The following KDM4C variants were observed in gnomAD, a reference collection of about 807,000 sequenced individuals.
KDM4C encodes lysine-specific demethylase 4C.
A neutral mutation model predicts 129.3 loss-of-function variants in KDM4C; 81 were observed. That is an observed-to-expected ratio of 0.63 (90% CI 0.52 to 0.75). The LOEUF (loss-of-function observed/expected upper bound fraction) is 0.75, where lower values mean the gene tolerates loss of function less well. Among genes scored for constraint, KDM4C ranks in the 30% least tolerant of loss-of-function variants. The probability of loss-of-function intolerance (pLI) is 0.00; values close to 1 mark genes in which losing one functional copy is unlikely to be tolerated. For missense variants in KDM4C, 1,457 were observed against 1,304.0 expected (o/e 1.12, Z -1.81); for synonymous variants, 573 against 456.1 (o/e 1.26, Z -3.26).
chr9:7,163,748 C>T (rs1245568831), intron 19 of KDM4C, among the ~76,000 whole-genome samples: 1 of 152,188 alleles, frequency 6.6e-6, no homozygotes, highest in East Asian at 1.9e-4. Context: ...ACATTGAGTA[C>T]ATCTCCACAG....
intron 1 of KDM4C, among the ~76,000 whole-genome samples, chr9:6,744,240 C>T (rs1427505034): frequency 6.6e-6 from 1 of 152,086 alleles, no homozygotes; most frequent in Non-Finnish European, 1.5e-5. Flanking sequence ...AAACTAGTAA[C>T]AGCTGCCGGG....
At chr9:6,809,887 C>G (rs1830823291) in intron 3 of KDM4C, among the ~76,000 whole-genome samples, 1 of 152,052 alleles carries the variant, frequency 6.6e-6, no homozygotes, top group Admixed American at 6.6e-5. Context: ...GTCTCAGGTA[C>G]TCAGGAGGCT....
intron 17 of KDM4C, among the ~76,000 whole-genome samples, chr9:7,085,733 G>C (rs1305827422): frequency 6.6e-6 from 1 of 152,154 alleles, no homozygotes; most frequent in Non-Finnish European, 1.5e-5. Context: ...GATAATCTGA[G>C]CATTTATAGA....
At chr9:6,884,736 A>T (rs1844996232) in intron 6 of KDM4C, among the ~76,000 whole-genome samples, 1 of 152,210 alleles carries the variant, frequency 6.6e-6, no homozygotes, top group African/African-American at 2.4e-5. Context: ...TACCCATAAA[A>T]ATGTCACTAA....
At chr9:6,829,601 C>T (rs1004338882) in intron 4 of KDM4C, among the ~76,000 whole-genome samples, 2 of 152,210 alleles carry the variant, frequency 1.3e-5, no homozygotes, top group Non-Finnish European at 2.9e-5. Context: ...ATGACTCCTA[C>T]TTAGTGGCAG....
At chr9:7,022,637 C>CTTTTTTTTTTTTT (rs375675040) in intron 15 of KDM4C, among the ~76,000 whole-genome samples, 76 of 133,938 alleles carry the variant, frequency 5.7e-4, no homozygotes, top group Non-Finnish European at 8.6e-4. Flanking sequence ...CCCTTTATTT[C>CTTTTTTTTTTTTT]TTTTTTTTTT....
intron 4 of KDM4C, among the ~76,000 whole-genome samples, chr9:6,838,421 G>A (rs529923819): frequency 3.0e-4 from 45 of 152,276 alleles, no homozygotes; most frequent in African/African-American, 9.6e-4. Context: ...TTTCTCCCAA[G>A]AGGATTGGAG....
intron 5 of KDM4C, among the ~76,000 whole-genome samples, chr9:6,852,647 C>T (rs1839068652): frequency 6.6e-6 from 1 of 152,118 alleles, no homozygotes; most frequent in Non-Finnish European, 1.5e-5. Context: ...AGTGGGTGGC[C>T]TCTCCTGTGC....
intron 8 of KDM4C, among the ~76,000 whole-genome samples, chr9:6,907,569 A>G (rs1246928279): frequency 6.6e-6 from 1 of 152,200 alleles, no homozygotes; most frequent in Non-Finnish European, 1.5e-5. Flanking sequence ...CTTTAGGGGA[A>G]GAGGGTAGTA....
intron 17 of KDM4C, among the ~76,000 whole-genome samples, chr9:7,071,008 A>G (rs1181592108): frequency 6.6e-6 from 1 of 152,180 alleles, no homozygotes; most frequent in Non-Finnish European, 1.5e-5. Context: ...AAAAAATTTC[A>G]TTGTATTTAT....
intron 20 of KDM4C, among the ~76,000 whole-genome samples, chr9:7,167,173 T>G (rs989284093): frequency 6.6e-5 from 10 of 152,178 alleles, no homozygotes; most frequent in Non-Finnish European, 1.5e-4. Flanking sequence ...GAATAATTTT[T>G]TAATAATTTG....
At chr9:6,816,377 T>A (rs2131163392) in intron 4 of KDM4C, among the ~76,000 whole-genome samples, 1 of 152,296 alleles carries the variant, frequency 6.6e-6, no homozygotes, top group African/African-American at 2.4e-5. Flanking sequence ...TAGAATTCCC[T>A]TACCTGCCCT....
chr9:6,909,538 G>C (rs1486537574), intron 8 of KDM4C, among the ~76,000 whole-genome samples: 13 of 152,110 alleles, frequency 8.5e-5, no homozygotes, highest in Non-Finnish European at 1.9e-4. Flanking sequence ...CTTTGCCACT[G>C]TCTGATGTTT....
At chr9:7,071,750 C>G (rs1833225564) in intron 17 of KDM4C, among the ~76,000 whole-genome samples, 2 of 151,922 alleles carry the variant, frequency 1.3e-5, no homozygotes, top group Admixed American at 1.3e-4. Context: ...AAATTTTGAC[C>G]CATTAAAACA....
At position 6,814,763 on chromosome 9, in the gene KDM4C, G is replaced by T; in HGVS notation, c.435+18G>T. On this transcript the variant is annotated intron_variant, in intron 4 of 21. Coordinates refer to ENST00000381309, the MANE Select transcript of KDM4C (RefSeq NM_015061.6). ...ATGATGAGGTACATTCATATTTACA[G>T]TGAGTTTTGTAAAGATCATTGGATG... 1 of 1,444,620 alleles carries T rather than the reference G, an allele frequency of 6.9e-7. No individual in the cohort carries two copies. Among genetic ancestry groups the T allele is most frequent in the Non-Finnish European group, 9.7e-7 (1 of 1,032,218 alleles). 89.5% of individuals were successfully genotyped at this position (1,444,620 alleles called of 1,614,324 possible). A position where few individuals can be genotyped will look rare whatever the true frequency, so the allele number is the denominator to read the frequency against.
intron 8 of KDM4C, among the ~76,000 whole-genome samples, chr9:6,896,067 T>G (rs1197498430): frequency 6.6e-6 from 1 of 152,204 alleles, no homozygotes; most frequent in East Asian, 1.9e-4. Flanking sequence ...CATGTATATG[T>G]AGTTTCTAAT....
intron 6 of KDM4C, among the ~76,000 whole-genome samples, chr9:6,884,114 TCTC>T (rs1204002706): frequency 2.0e-5 from 3 of 152,182 alleles, no homozygotes; most frequent in South Asian, 4.2e-4. Context: ...AGTATGAAGT[TCTC>T]CTGGCACTCC....
At chr9:6,906,411 A>G (rs997504392) in intron 8 of KDM4C, among the ~76,000 whole-genome samples, 3 of 152,170 alleles carry the variant, frequency 2.0e-5, no homozygotes, top group East Asian at 1.9e-4. Context: ...TGTTGTCTCA[A>G]TAGAGTCTAT....
At chr9:6,733,021 A>T (rs556101770) in intron 1 of KDM4C, among the ~76,000 whole-genome samples, 19 of 152,282 alleles carry the variant, frequency 1.2e-4, no homozygotes, top group African/African-American at 4.6e-4. Flanking sequence ...TCAAAAAATA[A>T]AAAAAAGAAA....
Sources: gnomAD v4.1 joint callset for allele counts (sites outside exome capture counted in the v4.1 genomes callset) on GRCh38, gnomAD v4.1.1 for gene constraint, MANE v1.5 for transcripts, NCBI Gene and HGNC (gene_info 2026-07-23, HGNC 2026-07-21) for gene names.